Variants in DYNC2H1 observed in about 807,000 individuals in gnomAD.
The protein encoded by DYNC2H1 is cytoplasmic dynein 2 heavy chain 1.
Under a neutral mutation model 570.0 loss-of-function variants are expected in DYNC2H1, and 410 were observed. The observed-to-expected ratio is 0.72, with a 90% CI of 0.66 to 0.78. The LOEUF (loss-of-function observed/expected upper bound fraction) is 0.78, where lower values mean the gene tolerates loss of function less well. DYNC2H1 is among the 30% of genes least tolerant of loss of function. The probability of loss-of-function intolerance (pLI) is 0.00; values close to 1 mark genes in which losing one functional copy is unlikely to be tolerated. For synonymous variants in DYNC2H1, 1,688 were observed against 1,677.6 expected, an observed-to-expected ratio of 1.01 and a Z score of -0.15; for missense variants, 4,865 against 5,046.4, an observed-to-expected ratio of 0.96 and a Z score of 1.09.
At chr11:103,175,088 T>TA (rs1033651812) in intron 36 of DYNC2H1, among the ~76,000 whole-genome samples, 1 of 152,110 alleles carries the variant, frequency 6.6e-6, no homozygotes, top group Non-Finnish European at 1.5e-5. Context: ...TTTCCTCATA[T>TA]AAAAAAATGG....
chr11:103,310,428 CTG>C (rs1355244935), intron 78 of DYNC2H1, among the ~76,000 whole-genome samples: 2 of 151,994 alleles, frequency 1.3e-5, no homozygotes, highest in Admixed American at 1.3e-4. Flanking sequence ...ATTTTTCAGT[CTG>C]TACTTATATG....
chr11:103,171,193 G>A, intron 34 of DYNC2H1, 125 bp downstream of exon 34: 4 of 909,928 alleles, frequency 4.4e-6, no homozygotes, highest in Non-Finnish European at 5.9e-6. Context: ...AACCTGTGTT[G>A]TAAGATTTTT....
rs1396704293 is a variant in DYNC2H1 at position 103,256,200 on chromosome 11, CACTT to C, written c.10423_10426del (p.Leu3475LysfsTer94). On this transcript the variant is annotated frameshift_variant, in exon 68 of 89. Coordinates refer to ENST00000375735, the MANE Select transcript of DYNC2H1 (RefSeq NM_001377.3). LOFTEE classifies it high-confidence loss of function. The surrounding 1 kb of genome is among the most constrained non-coding windows in gnomAD (Gnocchi z 4.0). ...GCAAGCAGTGCACTTATTCAAGAGT[CACTT>C]AAAGAATCTTACAAACTCCAAATTT... The C allele has an allele frequency of 1.2e-6, 2 of 1,606,460 alleles. No individual in the cohort carries two copies. Among genetic ancestry groups the C allele is most frequent in the Non-Finnish European group, 1.7e-6 (2 of 1,176,884 alleles).
rs1222869612 is a variant in DYNC2H1 at position 103,211,962 on chromosome 11, T to G, written c.8694+19T>G. On this transcript the variant is annotated intron_variant, in intron 54 of 88. Coordinates refer to ENST00000375735, the MANE Select transcript of DYNC2H1 (RefSeq NM_001377.3). ...TTTGCAGGTATAGTATTGGTAATCTTGAATTATTTTATCTATATATAGGAA... is the reference window on the plus strand; with the variant it reads ...TTTGCAGGTATAGTATTGGTAATCTGGAATTATTTTATCTATATATAGGAA... The G allele has an allele frequency of 5.4e-6, 8 of 1,494,246 alleles. No individual in the cohort carries two copies. The highest frequency in any genetic ancestry group is 6.2e-6 in the Non-Finnish European group (7 of 1,121,950). 92.6% of individuals were successfully genotyped at this position (1,494,246 alleles called of 1,614,324 possible). A position where few individuals can be genotyped will look rare whatever the true frequency, so the allele number is the denominator to read the frequency against.
chr11:103,170,406 A>G lies in DYNC2H1; in HGVS notation c.5151+116A>G, dbSNP rs895214422. ...CACTACATTTAAATTAGTTGAAGAC[A>G]GAATTTGTTTAAATTGAAATGTAAA... On this transcript the variant is annotated intron_variant, in intron 33 of 88. Coordinates refer to ENST00000375735, the MANE Select transcript of DYNC2H1 (RefSeq NM_001377.3). This position sits in a 1 kb window ranked among gnomAD's most constrained non-coding sequence, Gnocchi z 4.8. 1.8e-6 allele frequency: 2 copies of G among 1,088,766 alleles called. No individual in the cohort carries two copies. Among genetic ancestry groups the G allele is most frequent in the Middle Eastern group, 2.8e-4 (1 of 3,608 alleles). The allele number at this position is 1,088,766 out of a possible 1,614,324, so 67.4% of individuals were successfully genotyped here.
At chr11:103,183,163 G>A (rs559309361) in intron 40 of DYNC2H1, among the ~76,000 whole-genome samples, 1 of 152,030 alleles carries the variant, frequency 6.6e-6, no homozygotes. Context: ...TTAAGTGATA[G>A]CAAATGAATG....
intron 88 of DYNC2H1, among the ~76,000 whole-genome samples, chr11:103,475,767 T>C (rs1945529286): frequency 6.6e-6 from 1 of 152,122 alleles, no homozygotes; most frequent in African/African-American, 2.4e-5. Context: ...ACTAGTAAAC[T>C]GTTAGTGAAT....
intron 61 of DYNC2H1, 94 bp from the exon 62 acceptor site, chr11:103,235,578 T>C: frequency 8.3e-7 from 1 of 1,208,498 alleles, no homozygotes; most frequent in Non-Finnish European, 1.1e-6. Flanking sequence ...ACCTGTGATT[T>C]TCCCCCTCAC....
intron 56 of DYNC2H1, 117 bp from the exon 57 acceptor site, chr11:103,220,506 A>G: frequency 2.0e-6 from 2 of 978,636 alleles, no homozygotes; most frequent in Non-Finnish European, 2.8e-6. Context: ...TTTAAGAGAG[A>G]GAACATTAGT....
intron 80 of DYNC2H1, among the ~76,000 whole-genome samples, chr11:103,320,381 GAC>G (rs1396722010): frequency 3.9e-5 from 6 of 152,132 alleles, no homozygotes; most frequent in South Asian, 2.1e-4. Flanking sequence ...CAGCCTGGGT[GAC>G]AGAGTGAGAC....
rs766672853 is a variant in DYNC2H1 at position 103,117,870 on chromosome 11, A to G, written c.999+7A>G. Reference sequence around the variant, plus strand: ...TGGCAAACGCCTTGAAGAGGTATCAATTTGATTATCTAGATCTTTGTCTTT... The same window carrying G: ...TGGCAAACGCCTTGAAGAGGTATCAGTTTGATTATCTAGATCTTTGTCTTT... On this transcript the variant is annotated splice_region_variant and intron_variant, in intron 6 of 88. Coordinates refer to ENST00000375735, the MANE Select transcript of DYNC2H1 (RefSeq NM_001377.3). The G allele has an allele frequency of 3.3e-5, 53 of 1,602,388 alleles. No homozygotes were observed. The highest frequency in any genetic ancestry group is 1.1e-4 in the East Asian group (5 of 44,780).
chr11:103,235,108 A>G (rs1424566508), intron 61 of DYNC2H1, among the ~76,000 whole-genome samples: 1 of 151,898 alleles, frequency 6.6e-6, no homozygotes, highest in African/African-American at 2.4e-5. Context: ...ATAAAACCCA[A>G]TCTGATTACA....
At chr11:103,287,941 G>A (rs950482059) in intron 75 of DYNC2H1, among the ~76,000 whole-genome samples, 1 of 152,144 alleles carries the variant, frequency 6.6e-6, no homozygotes, top group East Asian at 1.9e-4. Flanking sequence ...GTCTCCCTGA[G>A]CATTGGGGGT....
intron 76 of DYNC2H1, 80 bp from the exon 77 acceptor site, chr11:103,304,515 A>G: frequency 1.3e-5 from 19 of 1,437,148 alleles, no homozygotes; most frequent in Non-Finnish European, 1.8e-5. Flanking sequence ...AGGGATTACT[A>G]TTATTGAATC....
intron 75 of DYNC2H1, among the ~76,000 whole-genome samples, chr11:103,296,234 T>C (rs1045263451): frequency 8.5e-5 from 13 of 152,210 alleles, no homozygotes; most frequent in Non-Finnish European, 1.0e-4. Flanking sequence ...TTCAATTTGA[T>C]GTTCCTGAAG....
At chr11:103,386,978 T>C (rs1941910351) in intron 83 of DYNC2H1, among the ~76,000 whole-genome samples, 1 of 151,752 alleles carries the variant, frequency 6.6e-6, no homozygotes. Flanking sequence ...CATGTGTCTT[T>C]ATAGCAGCAT....
intron 83 of DYNC2H1, among the ~76,000 whole-genome samples, chr11:103,381,852 AC>A (rs1941662036): frequency 1.3e-5 from 2 of 152,218 alleles, no homozygotes; most frequent in Admixed American, 6.5e-5. Flanking sequence ...TAAGTATATA[AC>A]TTTTAACATT....
chr11:103,143,246 C>CCTTTTTTT, intron 17 of DYNC2H1, 22 bp from the exon 18 acceptor site: 1 of 1,607,648 alleles, frequency 6.2e-7, no homozygotes. Context: ...TTTAATAATA[C>CCTTTTTTT]ATTTTTTCTT....
chr11:103,427,928 G>C lies in DYNC2H1; in HGVS notation c.12367-8015G>C, dbSNP rs572892008. 1.4e-4 allele frequency among the ~76,000 whole-genome samples: 21 copies of C among 150,778 alleles called. 2 individuals are homozygous for C. In the South Asian group the frequency reaches 4.0e-3, roughly 29 times the overall value. On this transcript the variant is annotated intron_variant, in intron 84 of 88. Coordinates refer to ENST00000375735, the MANE Select transcript of DYNC2H1 (RefSeq NM_001377.3). Reference sequence around the variant, plus strand: ...ATTTATCATTCTCCACTGTACTAGAGTTCTTCCAAGAAACAGAACCAGATT... The same window carrying C: ...ATTTATCATTCTCCACTGTACTAGACTTCTTCCAAGAAACAGAACCAGATT...
Sources: gnomAD v4.1 joint callset for allele counts (sites outside exome capture counted in the v4.1 genomes callset) on GRCh38, gnomAD v4.1.1 for gene constraint, Gnocchi (gnomAD v3.1) non-coding constraint, MANE v1.5 for transcripts, NCBI Gene and HGNC (gene_info 2026-07-23, HGNC 2026-07-21) for gene names.